CLSTN2: variants seen among roughly 807,000 people sequenced by gnomAD.
The protein encoded by CLSTN2 is calsyntenin-2.
A neutral mutation model predicts 101.2 loss-of-function variants in CLSTN2; 48 were observed. The ratio of observed to expected loss-of-function variants is 0.47; its 90% CI spans 0.38 to 0.60. The LOEUF (loss-of-function observed/expected upper bound fraction) is 0.60, where lower values mean the gene tolerates loss of function less well. Among genes scored for constraint, CLSTN2 ranks in the 20% least tolerant of loss-of-function variants. The probability of loss-of-function intolerance (pLI) is 0.00; values close to 1 mark genes in which losing one functional copy is unlikely to be tolerated. For synonymous variants in CLSTN2, 481 were observed against 463.6 expected (o/e 1.04, Z -0.48); for missense variants, 1,160 against 1,238.2 (o/e 0.94, Z 0.95).
At chr3:140,034,757 G>C (rs1560075407) in intron 1 of CLSTN2, among the ~76,000 whole-genome samples, 1 of 152,216 alleles carries the variant, frequency 6.6e-6, no homozygotes, top group African/African-American at 2.4e-5. Context: ...TCCTCACTCT[G>C]TAGTGTGAGA....
intron 10 of CLSTN2, among the ~76,000 whole-genome samples, chr3:140,555,631 G>A (rs926631381): frequency 6.6e-6 from 1 of 152,138 alleles, no homozygotes; most frequent in Non-Finnish European, 1.5e-5. Flanking sequence ...ATGAGCATTC[G>A]ATATATACTC....
chr3:140,099,382 T>C (rs2008927533), intron 1 of CLSTN2, among the ~76,000 whole-genome samples: 1 of 152,136 alleles, frequency 6.6e-6, no homozygotes, highest in Non-Finnish European at 1.5e-5. Context: ...CTCTAATCTT[T>C]GCCTCCATCT....
intron 1 of CLSTN2, among the ~76,000 whole-genome samples, chr3:139,950,826 G>C (rs1236532710): frequency 2.0e-5 from 3 of 152,214 alleles, no homozygotes; most frequent in Non-Finnish European, 4.4e-5. Flanking sequence ...AAAGGAAGTA[G>C]TGAATTAGAT....
At chr3:140,380,762 G>A (rs569430331) in intron 2 of CLSTN2, among the ~76,000 whole-genome samples, 5 of 152,302 alleles carry the variant, frequency 3.3e-5, no homozygotes, top group South Asian at 4.2e-4. Flanking sequence ...CACAGAGACC[G>A]TGATACAGGG....
chr3:140,566,333 A>C lies in CLSTN2; in HGVS notation c.*80A>C. ...TGTATGCCCATGTCTATCATACCTC[A>C]CCTCTGATGTCTGTGACATGTCTGG... On this transcript the variant is annotated 3_prime_UTR_variant, in exon 17 of 17. Transcript: ENST00000458420. The C allele has an allele frequency of 1.5e-6, 2 of 1,355,432 alleles. No homozygotes were observed. Among genetic ancestry groups the C allele is most frequent in the South Asian group, 2.6e-5 (2 of 77,504 alleles). The allele number at this position is 1,355,432 out of a possible 1,614,324, so 84.0% of individuals were successfully genotyped here.
chr3:140,028,584 G>T (rs1019723147), intron 1 of CLSTN2, among the ~76,000 whole-genome samples: 1 of 152,206 alleles, frequency 6.6e-6, no homozygotes, highest in Non-Finnish European at 1.5e-5. Context: ...GGCAGAGAAT[G>T]CATGTGACTA....
In CLSTN2 at chr3:140,000,704, G is replaced by A. The variant is rs185252221; in HGVS notation, c.109+65221G>A. On this transcript the variant is annotated intron_variant, in intron 1 of 16. Transcript: ENST00000458420. ...TGAGCTGTTTAAAGGTGATCCCTGG[G>A]TGCTGCCAGGGGATGTTGCTTGCGC... Among the ~76,000 whole-genome samples, 5 of 152,322 alleles carry A rather than the reference G, an allele frequency of 3.3e-5. No individual in the cohort carries two copies. In the East Asian group the frequency reaches 7.7e-4, roughly 24 times the overall value.
intron 1 of CLSTN2, among the ~76,000 whole-genome samples, chr3:140,033,005 C>G (rs1407858350): frequency 6.6e-6 from 1 of 152,132 alleles, no homozygotes; most frequent in Non-Finnish European, 1.5e-5. Context: ...CTATGGACAG[C>G]CAGAAAGCCA....
At chr3:140,314,746 G>T (rs1042123135) in intron 2 of CLSTN2, among the ~76,000 whole-genome samples, 10 of 152,160 alleles carry the variant, frequency 6.6e-5, no homozygotes, top group African/African-American at 2.4e-4. Context: ...CCTTAAGAAG[G>T]AGCTTGTGCT....
At chr3:140,057,031 C>T (rs765285541) in intron 1 of CLSTN2, among the ~76,000 whole-genome samples, 1 of 152,200 alleles carries the variant, frequency 6.6e-6, no homozygotes, top group Non-Finnish European at 1.5e-5. Context: ...GCCCTCCCCA[C>T]CCTGCAGCTT....
chr3:140,332,121 C>G (rs978488889), intron 2 of CLSTN2, among the ~76,000 whole-genome samples: 11 of 152,086 alleles, frequency 7.2e-5, no homozygotes, highest in Non-Finnish European at 1.3e-4. Context: ...CTCTATCAGC[C>G]CAGGGGGCCA....
intron 1 of CLSTN2, among the ~76,000 whole-genome samples, chr3:140,051,929 A>G (rs868506987): frequency 6.6e-6 from 1 of 152,146 alleles, no homozygotes; most frequent in African/African-American, 2.4e-5. Context: ...AGAGCCTGAG[A>G]ATCTTGCATT....
chr3:140,305,407 G>T (rs2087103908), intron 2 of CLSTN2, among the ~76,000 whole-genome samples: 1 of 152,138 alleles, frequency 6.6e-6, no homozygotes, highest in Non-Finnish European at 1.5e-5. Flanking sequence ...TGTGTGTATA[G>T]TGTGGTGGGG....
At chr3:140,220,435 C>T (rs1303258672) in intron 2 of CLSTN2, among the ~76,000 whole-genome samples, 1 of 152,190 alleles carries the variant, frequency 6.6e-6, no homozygotes, top group Non-Finnish European at 1.5e-5. Context: ...CCTTCTTGAG[C>T]CCCATGGTTA....
At chr3:140,006,292 G>A (rs769185031) in intron 1 of CLSTN2, among the ~76,000 whole-genome samples, 1 of 152,166 alleles carries the variant, frequency 6.6e-6, no homozygotes, top group Non-Finnish European at 1.5e-5. Context: ...AAAAGTACTT[G>A]TGGCCACAGA....
At chr3:140,385,829 G>A (rs549656147) in intron 2 of CLSTN2, among the ~76,000 whole-genome samples, 1 of 152,140 alleles carries the variant, frequency 6.6e-6, no homozygotes, top group South Asian at 2.1e-4. Context: ...AAGCAAGCTG[G>A]GGTCTAGGGC....
chr3:140,482,857 C>T (rs551394609), intron 8 of CLSTN2, among the ~76,000 whole-genome samples: 7 of 152,120 alleles, frequency 4.6e-5, no homozygotes, highest in Admixed American at 1.3e-4. Context: ...GTCTTGCTAG[C>T]GGTGTATCAA....
Position 140,550,619 on chromosome 3 carries a change from T to C in CLSTN2, c.1674+3938T>C, listed in dbSNP as rs370366804. ...TGAACTGTTCCAGGCAGGCACAGTT[T>C]CAGGGTACTAGGCCCCATAGAGCAA... On this transcript the variant is annotated intron_variant, in intron 10 of 16. Transcript: ENST00000458420. 1.6e-4 allele frequency among the ~76,000 whole-genome samples: 24 copies of C among 152,214 alleles called. No individual in the cohort carries two copies. The East Asian group carries it at 2.9e-3, about 19-fold the overall frequency.
intron 1 of CLSTN2, among the ~76,000 whole-genome samples, chr3:140,101,968 C>T (rs766966057): frequency 2.0e-5 from 3 of 152,192 alleles, no homozygotes; most frequent in Non-Finnish European, 4.4e-5. Flanking sequence ...TGAACTCTCT[C>T]TTCCATACTC....
Sources: allele counts gnomAD v4.1 joint callset (sites outside exome capture counted in the v4.1 genomes callset), GRCh38; gene constraint gnomAD v4.1.1; transcripts MANE v1.5; gene names NCBI Gene and HGNC (gene_info 2026-07-23, HGNC 2026-07-21).